The following PDAP1 variants were observed in gnomAD, a reference collection of about 807,000 sequenced individuals.
The protein encoded by PDAP1 is 28 kDa heat- and acid-stable phosphoprotein.
In PDAP1, 13 loss-of-function variants were observed where a neutral mutation model predicts 28.0. That is an observed-to-expected ratio of 0.46 (90% CI 0.30 to 0.74). PDAP1 has a LOEUF of 0.74. Among genes scored for constraint, PDAP1 ranks in the 30% least tolerant of loss-of-function variants. The pLI, the probability that PDAP1 is intolerant of heterozygous loss-of-function variation, is 0.07. For synonymous variants in PDAP1, 77 were observed against 85.1 expected (o/e 0.91, Z 0.52); for missense variants, 150 against 230.0 (o/e 0.65, Z 2.25).
At chr7:99,396,962 T>C (rs1423021606) in intron 5 of PDAP1, among the ~76,000 whole-genome samples, 1 of 152,146 alleles carries the variant, frequency 6.6e-6, no homozygotes, top group Non-Finnish European at 1.5e-5. Flanking sequence ...TATAGAAAGC[T>C]GTTCCTTCCA....
At chr7:99,405,187 G>C (rs1256225277) in intron 1 of PDAP1, among the ~76,000 whole-genome samples, 1 of 152,188 alleles carries the variant, frequency 6.6e-6, no homozygotes, top group Non-Finnish European at 1.5e-5. Flanking sequence ...CTACACAGAA[G>C]ACCGGAGGGG....
intron 1 of PDAP1, among the ~76,000 whole-genome samples, chr7:99,408,276 C>T (rs962287929): frequency 7.9e-5 from 12 of 152,030 alleles, no homozygotes; most frequent in African/African-American, 2.7e-4. Context: ...AGAAGCGCAT[C>T]CTAGATCCGG....
chr7:99,407,726 A>G (rs1225964019), intron 1 of PDAP1, among the ~76,000 whole-genome samples: 1 of 152,212 alleles, frequency 6.6e-6, no homozygotes, highest in African/African-American at 2.4e-5. Flanking sequence ...ATTAGACGTG[A>G]CATAGCTGGG....
chr7:99,405,634 T>C (rs1794958669), intron 1 of PDAP1, among the ~76,000 whole-genome samples: 1 of 151,298 alleles, frequency 6.6e-6, no homozygotes, highest in African/African-American at 2.4e-5. Flanking sequence ...AGTGCTGGGA[T>C]TACAGGTGTG....
chr7:99,396,877 G>A (rs1208427334), intron 5 of PDAP1, 137 bp from the exon 6 acceptor site: 1 of 689,368 alleles, frequency 1.5e-6, no homozygotes, highest in African/African-American at 1.8e-5. Flanking sequence ...GCCGAGGCGT[G>A]GGAGAGGATT....
chr7:99,401,748 G>C (rs1037323700), intron 3 of PDAP1, among the ~76,000 whole-genome samples: 6 of 150,460 alleles, frequency 4.0e-5, no homozygotes, highest in African/African-American at 1.5e-4. Flanking sequence ...GCCCAGGCTG[G>C]AGTGCAGTGG....
In PDAP1 at chr7:99,395,353, GT is replaced by G. The variant is rs1794732817; in HGVS notation, c.*1328del. 1 of 152,126 alleles carries G rather than the reference GT, an allele frequency of 6.6e-6. No individual in the cohort carries two copies. Among genetic ancestry groups the G allele is most frequent in the African/African-American group, 2.4e-5 (1 of 41,402 alleles). 9.4% of individuals were successfully genotyped at this position (152,126 alleles called of 1,614,324 possible). A position where few individuals can be genotyped will look rare whatever the true frequency, so the allele number is the denominator to read the frequency against. On this transcript the variant is annotated 3_prime_UTR_variant, in exon 6 of 6. Transcript: ENST00000350498. ...TTTAGTAGAGACGGAGTTTCTCCATGTTGGCCAGGCTGGTCTTGAACTCCTG... is the reference window on the plus strand; with the variant it reads ...TTTAGTAGAGACGGAGTTTCTCCATGTGGCCAGGCTGGTCTTGAACTCCTG...
Position 99,408,408 on chromosome 7 carries a change from G to A in PDAP1, c.13+128C>T, listed in dbSNP as rs1054907806. 1.2e-5 allele frequency: 10 copies of A among 841,982 alleles called. No individual in the cohort carries two copies. In the Admixed American group the frequency reaches 2.2e-4, roughly 18 times the overall value. The allele number at this position is 841,982 out of a possible 1,614,324, so 52.2% of individuals were successfully genotyped here. A position where few individuals can be genotyped will look rare whatever the true frequency, so the allele number is the denominator to read the frequency against. ...CAATTGGGCGTCGAGGCCCAGGCCTGGCTCTCAGCCGGTGCGGACAGCCTC... is the reference window on the plus strand; with the variant it reads ...CAATTGGGCGTCGAGGCCCAGGCCTAGCTCTCAGCCGGTGCGGACAGCCTC... On this transcript the variant is annotated intron_variant, in intron 1 of 5. Transcript: ENST00000350498.
In PDAP1 at chr7:99,404,160, A is replaced by AC. The variant is rs560038472; in HGVS notation, c.106-656dup. Among the ~76,000 whole-genome samples the AC allele has an allele frequency of 1.4e-4, 21 of 151,958 alleles. No individual in the cohort carries two copies. The East Asian group carries it at 1.7e-3, about 13-fold the overall frequency. The stretch of plus-strand genomic sequence containing the variant: ...TGGCTCCCCCAAGGACCCCTCCCAG[A>AC]CCCCACAGCTGGATGTGGCCTTTCC... On this transcript the variant is annotated intron_variant, in intron 2 of 5. Coordinates refer to ENST00000350498, the MANE Select transcript of PDAP1 (RefSeq NM_014891.7).
At chr7:99,399,301 T>G (rs1794818714) in intron 4 of PDAP1, among the ~76,000 whole-genome samples, 1 of 152,122 alleles carries the variant, frequency 6.6e-6, no homozygotes, top group African/African-American at 2.4e-5. Flanking sequence ...TGTGCCACAC[T>G]CAGAAGCCTC....
intron 1 of PDAP1, among the ~76,000 whole-genome samples, chr7:99,405,926 A>G (rs1794963381): frequency 1.3e-5 from 2 of 152,196 alleles, no homozygotes; most frequent in Admixed American, 1.3e-4. Context: ...AGCTGCTGGA[A>G]CAGTGCCTGC....
intron 1 of PDAP1, 129 bp from the exon 2 acceptor site, chr7:99,405,082 C>T: frequency 4.8e-6 from 3 of 630,066 alleles, no homozygotes; most frequent in East Asian, 2.7e-5. Context: ...ACCACCCAAA[C>T]CGACACCTCC....
Position 99,405,043 on chromosome 7 carries a change from T to C in PDAP1, c.14-90A>G. 1.9e-5 allele frequency: 17 copies of C among 911,904 alleles called. 1 individual carries two copies. The African/African-American group carries it at 2.6e-4, about 14-fold the overall frequency. 56.5% of individuals were successfully genotyped at this position (911,904 alleles called of 1,614,324 possible). On this transcript the variant is annotated intron_variant, in intron 1 of 5. Coordinates refer to ENST00000350498, the MANE Select transcript of PDAP1 (RefSeq NM_014891.7). ...CTGTGTCCTGCTTGGAGTACTCTCA[T>C]CGGAGGCCTCACCTACCCCTCACCC...
chr7:99,402,892 A>AG (rs1330334875), intron 3 of PDAP1, among the ~76,000 whole-genome samples: 6 of 128,946 alleles, frequency 4.7e-5, no homozygotes, highest in East Asian at 4.1e-4. Context: ...AAAAAAAAAA[A>AG]AAAAGAAAAG....
chr7:99,407,864 TTAAAAA>T (rs1370320790), intron 1 of PDAP1, among the ~76,000 whole-genome samples: 1 of 152,164 alleles, frequency 6.6e-6, no homozygotes, highest in African/African-American at 2.4e-5. Flanking sequence ...TGGCAAAGCC[TTAAAAA>T]TAAGAATAGT....
intron 1 of PDAP1, among the ~76,000 whole-genome samples, chr7:99,405,455 G>T (rs577414127): frequency 7.2e-5 from 11 of 151,840 alleles, no homozygotes; most frequent in Non-Finnish European, 7.4e-5. Flanking sequence ...CACCACCCTG[G>T]TTGAAGTGAT....
rs774156428 is a variant in PDAP1 at position 99,400,474 on chromosome 7, CCT to C, written c.214-52_214-51del. Reference sequence around the variant, plus strand: ...GTTGGAGTTCAGGTCCTGTGGAGCCCCTGAGGGCCACTCCTGCCATCTCTCAA... The same window carrying C: ...GTTGGAGTTCAGGTCCTGTGGAGCCCGAGGGCCACTCCTGCCATCTCTCAA... On this transcript the variant is annotated intron_variant, in intron 3 of 5. Transcript: ENST00000350498. 25 of 1,609,932 alleles carry C rather than the reference CCT, an allele frequency of 1.6e-5. No individual in the cohort carries two copies. The East Asian group carries it at 4.7e-4, about 30-fold the overall frequency.
chr7:99,398,724 A>T (rs768848450), intron 4 of PDAP1, among the ~76,000 whole-genome samples: 6 of 152,180 alleles, frequency 3.9e-5, no homozygotes, highest in Non-Finnish European at 5.9e-5. Flanking sequence ...AAACAAAAAA[A>T]GGAATGAAGA....
Position 99,394,779 on chromosome 7 carries a change from TAA to T in PDAP1, c.*1901_*1902del, listed in dbSNP as rs773085531. ...GTGGAGGTAATAAAATGCAACTGTGTAAAAAAAAAAAAAAAAAAAAAAGTAAT... is the reference window on the plus strand; with the variant it reads ...GTGGAGGTAATAAAATGCAACTGTGTAAAAAAAAAAAAAAAAAAAAGTAAT... On this transcript the variant is annotated 3_prime_UTR_variant, in exon 6 of 6. Transcript: ENST00000350498. 0.08 allele frequency: 72,662 copies of T among 909,422 alleles called. 203 individuals are homozygous for T. Among genetic ancestry groups the T allele is most frequent in the African/African-American group, 0.1 (4,288 of 42,446 alleles). 56.3% of individuals were successfully genotyped at this position (909,422 alleles called of 1,614,324 possible).
Sources: gnomAD v4.1 joint callset for allele counts (sites outside exome capture counted in the v4.1 genomes callset) on GRCh38, gnomAD v4.1.1 for gene constraint, MANE v1.5 for transcripts, NCBI Gene and HGNC (gene_info 2026-07-23, HGNC 2026-07-21) for gene names.